The following TEX11 variants were observed in gnomAD, a reference collection of about 807,000 sequenced individuals.
TEX11 encodes the protein testis expressed 11.
Under a neutral mutation model 84.4 loss-of-function variants are expected in TEX11, and 7 were observed. The ratio of observed to expected loss-of-function variants is 0.08; its 90% CI spans 0.05 to 0.16. The LOEUF is 0.16. Among genes scored for constraint, TEX11 ranks in the 10% least tolerant of loss-of-function variants. The pLI is 1.00. For missense variants in TEX11, 551 were observed against 660.5 expected, an observed-to-expected ratio of 0.83 and a Z score of 1.82; for synonymous variants, 264 against 222.8, an observed-to-expected ratio of 1.18 and a Z score of -1.64.
At position 70,829,880 on chromosome X, in the gene TEX11, A is replaced by G. The variant is rs1389879112; in HGVS notation, c.606+3633T>C. Among the ~76,000 whole-genome samples the G allele has an allele frequency of 3.6e-5, 4 of 111,271 alleles. No homozygotes were observed. In the East Asian group the frequency reaches 1.1e-3, roughly 31 times the overall value. Reference sequence around the variant, plus strand: ...AAAAAAATAAAAAGGAAGAAATTAAATCATACCACCAGTGAAAATCGCCTT... The same window carrying G: ...AAAAAAATAAAAAGGAAGAAATTAAGTCATACCACCAGTGAAAATCGCCTT... On this transcript the variant is annotated intron_variant, in intron 8 of 29. Coordinates refer to ENST00000374333, the MANE Select transcript of TEX11 (RefSeq NM_031276.3).
intron 17 of TEX11, among the ~76,000 whole-genome samples, chrX:70,641,334 C>G (rs184790296): frequency 3.6e-5 from 4 of 111,070 alleles, no homozygotes; most frequent in African/African-American, 9.8e-5. Context: ...CTTTAACACC[C>G]CACTGTCAAT....
chrX:70,881,658 T>C (rs966027815), intron 2 of TEX11, among the ~76,000 whole-genome samples: 1 of 111,348 alleles, frequency 9.0e-6, no homozygotes, highest in Admixed American at 9.7e-5. Flanking sequence ...CTGATGTGAT[T>C]ATTACACATT....
chrX:70,883,556 A>C (rs954602590), intron 2 of TEX11, among the ~76,000 whole-genome samples: 1 of 111,591 alleles, frequency 9.0e-6, no homozygotes, highest in African/African-American at 3.3e-5. Flanking sequence ...ATTGCACTCC[A>C]GCCTAAGCGG....
intron 17 of TEX11, among the ~76,000 whole-genome samples, chrX:70,639,916 G>A (rs1030719346): frequency 6.2e-5 from 7 of 112,112 alleles, no homozygotes; most frequent in African/African-American, 1.3e-4. Context: ...AAAGCTGGAC[G>A]GAGAAGGACT....
At chrX:70,678,656 A>G (rs1603214484) in intron 15 of TEX11, 148 bp downstream of exon 15, 1 of 470,968 alleles carries the variant, frequency 2.1e-6, no homozygotes, top group East Asian at 3.9e-5. Flanking sequence ...GCTCATTAAC[A>G]CTCTATATTG....
chrX:70,571,603 T>C (rs2088599848), intron 25 of TEX11, among the ~76,000 whole-genome samples: 1 of 112,297 alleles, frequency 8.9e-6, no homozygotes, highest in African/African-American at 3.2e-5. Context: ...ACTGATGGGT[T>C]ATTTAGAAAT....
intron 24 of TEX11, among the ~76,000 whole-genome samples, chrX:70,593,091 A>G (rs112331649): frequency 0.15 from 15,134 of 104,189 alleles, 876 homozygotes; most frequent in Middle Eastern, 0.2. Flanking sequence ...ACACACACAC[A>G]CACACGCACA....
chrX:70,711,613 T>C (rs1413477964), intron 13 of TEX11, among the ~76,000 whole-genome samples: 3 of 112,359 alleles, frequency 2.7e-5, no homozygotes, highest in Admixed American at 1.9e-4. Context: ...ATTCATATCC[T>C]TTGCCAACTT....
chrX:70,561,959 C>T (rs1025653045), intron 25 of TEX11, among the ~76,000 whole-genome samples: 1 of 112,044 alleles, frequency 8.9e-6, no homozygotes, highest in Non-Finnish European at 1.9e-5. Flanking sequence ...CTGGCTGAAC[C>T]AAGCTGTATA....
chrX:70,667,843 C>T (rs1314180413), intron 16 of TEX11, among the ~76,000 whole-genome samples: 2 of 110,764 alleles, frequency 1.8e-5, no homozygotes, highest in Non-Finnish European at 3.8e-5. Context: ...AGGAGAATTG[C>T]TTGAGCTCAG....
At chrX:70,902,646 G>GGAGTAGCTGGGACCACA (rs2091809632) in intron 2 of TEX11, among the ~76,000 whole-genome samples, 1 of 110,215 alleles carries the variant, frequency 9.1e-6, no homozygotes, top group African/African-American at 3.3e-5. Context: ...CTCAACCTAT[G>GGAGTAGCTGGGACCACA]GAGTAGCTGG....
At chrX:70,526,440 A>G (rs1453129488), downstream of TEX11, among the ~76,000 whole-genome samples, 1 of 110,415 alleles carries the variant, frequency 9.1e-6, no homozygotes, top group Non-Finnish European at 1.9e-5. Context: ...GTGGTGGCAC[A>G]TGCCTGTAGT....
chrX:70,690,809 T>C (rs768487776), intron 13 of TEX11, among the ~76,000 whole-genome samples: 66 of 111,442 alleles, frequency 5.9e-4, no homozygotes, highest in Non-Finnish European at 1.1e-3. Context: ...ATAATGTAAA[T>C]GGTCTAAATA....
At chrX:70,746,485 C>T (rs182810058) in intron 9 of TEX11, among the ~76,000 whole-genome samples, 51 of 111,514 alleles carry the variant, frequency 4.6e-4, no homozygotes, top group Admixed American at 1.3e-3. Flanking sequence ...GCTACCATAC[C>T]GCCAGAATTT....
intron 8 of TEX11, among the ~76,000 whole-genome samples, chrX:70,829,886 C>T (rs1041472038): frequency 9.1e-6 from 1 of 110,488 alleles, no homozygotes; most frequent in Non-Finnish European, 1.9e-5. Context: ...TTAAATCATA[C>T]CACCAGTGAA....
At chrX:70,884,585 A>T (rs2091698586) in intron 2 of TEX11, among the ~76,000 whole-genome samples, 1 of 111,475 alleles carries the variant, frequency 9.0e-6, no homozygotes, top group Admixed American at 9.6e-5. Flanking sequence ...TACATTGTAA[A>T]TCGTAATTTC....
intron 13 of TEX11, among the ~76,000 whole-genome samples, chrX:70,702,525 T>C (rs1359804633): frequency 8.9e-6 from 1 of 112,321 alleles, no homozygotes; most frequent in Non-Finnish European, 1.9e-5. Flanking sequence ...ATACTTGCTT[T>C]ATTGCAGTGT....
At chrX:70,539,038 A>ATATTTTTTTTTTT in intron 28 of TEX11, among the ~76,000 whole-genome samples, 2 of 41,245 alleles carry the variant, frequency 4.8e-5, no homozygotes, top group African/African-American at 1.8e-4. Context: ...ATATATATAT[A>ATATTTTTTTTTTT]TTTTTTTTTT....
chrX:70,748,262 A>C lies in TEX11; in HGVS notation c.693-4043T>G, dbSNP rs145126477. On this transcript the variant is annotated intron_variant, in intron 9 of 29. Transcript: ENST00000374333. ...AATGAAATTCAACAGGATAAGCATT[A>C]AAAAAGCTACATCCAGACACATGAT... Among the ~76,000 whole-genome samples, 499 of 111,924 alleles carry C rather than the reference A, an allele frequency of 4.5e-3. 2 individuals are homozygous for C. The highest frequency in any genetic ancestry group is 0.015 in the African/African-American group (477 of 30,842).
Sources: allele counts gnomAD v4.1 joint callset (sites outside exome capture counted in the v4.1 genomes callset), GRCh38; gene constraint gnomAD v4.1.1; transcripts MANE v1.5; gene names NCBI Gene and HGNC (gene_info 2026-07-23, HGNC 2026-07-21).